ASCC3: variants seen among roughly 807,000 people sequenced by gnomAD.
ASCC3 encodes activating signal cointegrator 1 complex subunit 3.
ASCC3 carries 158 observed loss-of-function variants against 256.3 expected under a neutral mutation model. That is an observed-to-expected ratio of 0.62 (90% CI 0.54 to 0.70). The LOEUF is 0.70. Ranked by LOEUF, ASCC3 falls within the 30% of genes least tolerant of loss-of-function variation. ASCC3 has a pLI of 0.00. For synonymous variants in ASCC3, 948 were observed against 883.4 expected, an observed-to-expected ratio of 1.07 and a Z score of -1.30; for missense variants, 2,259 against 2,626.0, an observed-to-expected ratio of 0.86 and a Z score of 3.05.
chr6:100,611,156 C>T (rs1347628633), intron 30 of ASCC3, among the ~76,000 whole-genome samples: 1 of 152,162 alleles, frequency 6.6e-6, no homozygotes. Context: ...CTAGACCCCA[C>T]TTTCACATAA....
chr6:100,602,412 C>G (rs999858677), intron 33 of ASCC3, among the ~76,000 whole-genome samples: 1 of 151,812 alleles, frequency 6.6e-6, no homozygotes, highest in African/African-American at 2.4e-5. Context: ...TTATCACTAC[C>G]AATCATTTTT....
intron 10 of ASCC3, among the ~76,000 whole-genome samples, chr6:100,752,563 C>G (rs371925983): frequency 2.6e-5 from 4 of 152,118 alleles, no homozygotes; most frequent in African/African-American, 9.7e-5. Context: ...GTTACTTTGT[C>G]ATCCTATGTG....
At chr6:100,813,170 T>A (rs1403559873) in intron 4 of ASCC3, among the ~76,000 whole-genome samples, 3 of 151,778 alleles carry the variant, frequency 2.0e-5, no homozygotes, top group Non-Finnish European at 4.4e-5. Context: ...AAATTCCAAG[T>A]ATGGGCCAGG....
intron 10 of ASCC3, among the ~76,000 whole-genome samples, chr6:100,754,464 C>T (rs1331746238): frequency 6.6e-6 from 1 of 152,124 alleles, no homozygotes; most frequent in Non-Finnish European, 1.5e-5. Flanking sequence ...CTGTTTGTTA[C>T]AAACAATCCA....
At position 100,509,153 on chromosome 6, in the gene ASCC3, T is replaced by A; in HGVS notation, c.*233A>T. ...AGATTATTCTAAATGCTTTTTCATC[T>A]TACATATCAAGAAACTCATAAAGAT... On this transcript the variant is annotated 3_prime_UTR_variant, in exon 42 of 42. Transcript: ENST00000369162. The A allele has an allele frequency of 3.7e-6, 2 of 539,424 alleles. No individual in the cohort carries two copies. Among genetic ancestry groups the A allele is most frequent in the South Asian group, 4.1e-5 (2 of 48,512 alleles). The allele number at this position is 539,424 out of a possible 1,614,324, so 33.4% of individuals were successfully genotyped here. A position where few individuals can be genotyped will look rare whatever the true frequency, so the allele number is the denominator to read the frequency against.
intron 14 of ASCC3, among the ~76,000 whole-genome samples, chr6:100,673,020 A>G (rs1168319114): frequency 9.9e-5 from 15 of 152,064 alleles, no homozygotes; most frequent in Admixed American, 9.8e-4. Context: ...CCCAATAACT[A>G]ATTTCCATAT....
chr6:100,715,980 C>T (rs1192180855), intron 12 of ASCC3, among the ~76,000 whole-genome samples: 1 of 151,706 alleles, frequency 6.6e-6, no homozygotes. Context: ...TCAAATGGCA[C>T]ACAGAGCTAA....
intron 36 of ASCC3, among the ~76,000 whole-genome samples, chr6:100,550,233 C>T (rs1163384709): frequency 1.3e-5 from 2 of 151,850 alleles, no homozygotes; most frequent in Non-Finnish European, 2.9e-5. Context: ...CCTTCTGATC[C>T]TTTATCAGAA....
At chr6:100,780,846 C>T (rs933402928) in intron 8 of ASCC3, among the ~76,000 whole-genome samples, 1 of 152,146 alleles carries the variant, frequency 6.6e-6, no homozygotes, top group African/African-American at 2.4e-5. Context: ...GAAATGTCAA[C>T]CACATATTAC....
At chr6:100,596,272 T>G (rs964802256) in intron 34 of ASCC3, among the ~76,000 whole-genome samples, 4 of 152,200 alleles carry the variant, frequency 2.6e-5, no homozygotes, top group African/African-American at 9.7e-5. Context: ...AAACAAATCT[T>G]CCATTAGTGT....
intron 37 of ASCC3, among the ~76,000 whole-genome samples, chr6:100,521,606 T>C (rs1339051417): frequency 6.6e-6 from 1 of 152,124 alleles, no homozygotes; most frequent in African/African-American, 2.4e-5. Context: ...CCACTGGGGG[T>C]CTTGGAACTA....
At chr6:100,702,897 T>A (rs576097611) in intron 13 of ASCC3, among the ~76,000 whole-genome samples, 1 of 152,288 alleles carries the variant, frequency 6.6e-6, no homozygotes, top group East Asian at 1.9e-4. Context: ...GTTAAAAATG[T>A]GCTAATCACC....
intron 36 of ASCC3, among the ~76,000 whole-genome samples, chr6:100,582,068 G>A (rs1430972043): frequency 6.6e-6 from 1 of 151,822 alleles, no homozygotes; most frequent in Non-Finnish European, 1.5e-5. Flanking sequence ...TGGTGATGCG[G>A]GCTCTTTTTT....
intron 4 of ASCC3, among the ~76,000 whole-genome samples, chr6:100,818,721 T>C (rs1770883670): frequency 7.2e-6 from 1 of 139,422 alleles, no homozygotes; most frequent in Admixed American, 7.6e-5. Flanking sequence ...GTACTGTAGG[T>C]TCTAGGCAGG....
intron 14 of ASCC3, among the ~76,000 whole-genome samples, chr6:100,676,572 A>AATC (rs1168628193): frequency 6.6e-6 from 1 of 152,154 alleles, no homozygotes; most frequent in Non-Finnish European, 1.5e-5. Flanking sequence ...TCAGTGGACA[A>AATC]ATCTGGAAAT....
chr6:100,688,338 G>C (rs965855001), intron 13 of ASCC3, among the ~76,000 whole-genome samples: 2 of 151,730 alleles, frequency 1.3e-5, no homozygotes, highest in Admixed American at 1.3e-4. Flanking sequence ...AAAGCATTTA[G>C]ATATGTATAT....
intron 37 of ASCC3, among the ~76,000 whole-genome samples, chr6:100,521,054 T>C (rs550369958): frequency 6.6e-6 from 1 of 152,292 alleles, no homozygotes; most frequent in Non-Finnish European, 1.5e-5. Context: ...TATTAAATAA[T>C]ATAGGTAAAA....
intron 36 of ASCC3, among the ~76,000 whole-genome samples, chr6:100,561,723 G>T (rs1175720120): frequency 6.6e-6 from 1 of 152,012 alleles, no homozygotes; most frequent in African/African-American, 2.4e-5. Context: ...CACTGATTCT[G>T]AGCTGTTCAT....
At chr6:100,835,158 C>T (rs2114469907) in intron 4 of ASCC3, among the ~76,000 whole-genome samples, 1 of 151,346 alleles carries the variant, frequency 6.6e-6, no homozygotes, top group East Asian at 1.9e-4. Context: ...TTACACAGAA[C>T]ATGCATTTCA....
Sources: gnomAD v4.1 joint callset for allele counts (sites outside exome capture counted in the v4.1 genomes callset) on GRCh38, gnomAD v4.1.1 for gene constraint, MANE v1.5 for transcripts, NCBI Gene and HGNC (gene_info 2026-07-23, HGNC 2026-07-21) for gene names.